Variants in FBXL2 observed in about 807,000 individuals in gnomAD.
FBXL2 encodes the protein F-box and leucine rich repeat protein 2.
Under a neutral mutation model 69.2 loss-of-function variants are expected in FBXL2, and 38 were observed. The ratio of observed to expected loss-of-function variants is 0.55; its 90% CI spans 0.42 to 0.72. FBXL2 has a LOEUF of 0.72. FBXL2 is among the 30% of genes least tolerant of loss of function. FBXL2 has a pLI of 0.00. For missense variants in FBXL2, 354 were observed against 520.3 expected (o/e 0.68, Z 3.11); for synonymous variants, 192 against 201.3 (o/e 0.95, Z 0.39).
intron 5 of FBXL2, among the ~76,000 whole-genome samples, chr3:33,366,949 A>G (rs2041991298): frequency 6.6e-6 from 1 of 152,196 alleles, no homozygotes; most frequent in East Asian, 1.9e-4. Context: ...AAAATAAATA[A>G]ATTAAATAAA....
Position 33,396,170 on chromosome 3 carries a change from G to A in FBXL2, n.1215-7064G>A, listed in dbSNP as rs149785857. On this transcript the variant is annotated intron_variant and non_coding_transcript_variant, in intron 12 of 12. Transcript: ENST00000463736. ...ATGCCCTCAATACCTACCATAGGGT[G>A]CCCCACTGCCATTCTCGCTTGCACT... 19 of 1,578,950 alleles carry A rather than the reference G, an allele frequency of 1.2e-5. No homozygotes were observed. Among genetic ancestry groups the A allele is most frequent in the African/African-American group, 4.0e-5 (3 of 74,434 alleles).
In FBXL2 at chr3:33,277,651, T is replaced by TGGGCA. The variant is rs1263094778; in HGVS notation, c.3+146_3+150dup. On this transcript the variant is annotated intron_variant, in intron 1 of 14. Transcript: ENST00000484457. ...GCCGGGCCGCGGCCTGCGAGGCTGC[T>TGGGCA]GGGCAGGGCAGGGCTGGGCGGGCCC... 10 of 931,632 alleles carry TGGGCA rather than the reference T, an allele frequency of 1.1e-5. No homozygotes were observed. The East Asian group carries it at 2.4e-4, about 23-fold the overall frequency. The allele number at this position is 931,632 out of a possible 1,614,324, so 57.7% of individuals were successfully genotyped here.
the FBXL2 span, chr3:33,409,429 A>C: frequency 6.2e-7 from 1 of 1,613,798 alleles, no homozygotes; most frequent in Non-Finnish European, 8.5e-7. Context: ...ATTACAGAAA[A>C]CCCGGGTTCT....
intron 10 of FBXL2, among the ~76,000 whole-genome samples, chr3:33,375,629 G>A (rs1292020424): frequency 6.6e-6 from 1 of 152,176 alleles, no homozygotes; most frequent in Non-Finnish European, 1.5e-5. Flanking sequence ...TCTACCACCA[G>A]TGAATCCAAA....
At chr3:33,300,856 C>A (rs1423655957) in intron 2 of FBXL2, among the ~76,000 whole-genome samples, 3 of 149,500 alleles carry the variant, frequency 2.0e-5, no homozygotes, top group Non-Finnish European at 4.4e-5. Flanking sequence ...CTACAGGTGC[C>A]CGCCACAACG....
rs780651359 is a variant in FBXL2, at chr3:33,373,301, A to G, written c.401A>G (p.His134Arg). 1.2e-6 allele frequency: 2 copies of G among 1,614,190 alleles called. No individual in the cohort carries two copies. The highest frequency in any genetic ancestry group is 1.7e-5 in the Admixed American group (1 of 60,028). The change falls in exon 7 of 15, where the codon CAT becomes CGT. Residue 134 changes from histidine (H) to arginine (R), a missense_variant. Coordinates refer to ENST00000484457, the MANE Select transcript of FBXL2 (RefSeq NM_012157.5). ...AGCAGATTCTGTTCCAAGCTGAAACATCTGGATCTGACCTCCTGTGTGTCT... is the reference window on the plus strand; with the variant it reads ...AGCAGATTCTGTTCCAAGCTGAAACGTCTGGATCTGACCTCCTGTGTGTCT... ...SLSRFCSKLK[H>R]LDLTSCVSIT...
At chr3:33,356,721 CG>C (rs2041231417) in intron 2 of FBXL2, among the ~76,000 whole-genome samples, 1 of 152,102 alleles carries the variant, frequency 6.6e-6, no homozygotes, top group African/African-American at 2.4e-5. Context: ...GGAACTCTTA[CG>C]GGTTTCCAGA....
rs2044263041 is a variant in FBXL2 at position 33,402,422 on chromosome 3, CCATTTGATATAAG to C, written n.1215-807_1215-795del. On this transcript the variant is annotated intron_variant and non_coding_transcript_variant, in intron 12 of 12. Coordinates refer to the FBXL2 transcript ENST00000463736. ...GAAAAGAAATACTGCAGAAAATAAC[CCATTTGATATAAG>C]CATTACAGACAAGTGAATGAACTTA... Among the ~76,000 whole-genome samples, 4 of 151,974 alleles carry C rather than the reference CCATTTGATATAAG, an allele frequency of 2.6e-5. No individual in the cohort carries two copies. The South Asian group carries it at 8.3e-4, about 32-fold the overall frequency.
chr3:33,349,369 G>A (rs992873098), intron 2 of FBXL2, among the ~76,000 whole-genome samples: 1 of 152,050 alleles, frequency 6.6e-6, no homozygotes, highest in African/African-American at 2.4e-5. Flanking sequence ...ATCATATGGT[G>A]TTTGTCCTTC....
intron 13 of FBXL2, chr3:33,382,563 T>C (rs2043134564): frequency 6.6e-6 from 1 of 152,218 alleles, no homozygotes; most frequent in Non-Finnish European, 1.5e-5. Context: ...CTTTATAGAA[T>C]GGGTACACTG....
intron 1 of FBXL2, 86 bp downstream of exon 1, chr3:33,277,601 C>A (rs922052218): frequency 8.3e-7 from 1 of 1,211,898 alleles, no homozygotes; most frequent in African/African-American, 1.6e-5. Flanking sequence ...TAGGGTCGGG[C>A]AGGCGGCGCA....
At chr3:33,278,640 A>T (rs1287367917) in intron 1 of FBXL2, among the ~76,000 whole-genome samples, 2 of 152,126 alleles carry the variant, frequency 1.3e-5, no homozygotes, top group African/African-American at 2.4e-5. Context: ...GGTGTCTCTC[A>T]TTGACTCTGG....
chr3:33,414,800 G>A, the FBXL2 span, among the ~76,000 whole-genome samples: 3 of 152,096 alleles, frequency 2.0e-5, no homozygotes, highest in Non-Finnish European at 2.9e-5. Context: ...TGAAGCCAAT[G>A]TAAAATGCTT....
At chr3:33,294,153 G>A (rs1340714665) in intron 1 of FBXL2, among the ~76,000 whole-genome samples, 1 of 152,168 alleles carries the variant, frequency 6.6e-6, no homozygotes. Context: ...CTGGAGTGCA[G>A]TAGCGTGGTC....
intron 2 of FBXL2, among the ~76,000 whole-genome samples, chr3:33,336,780 T>C (rs578122485): frequency 1.5e-3 from 221 of 151,876 alleles, no homozygotes; most frequent in Middle Eastern, 3.4e-3. Context: ...TGGCGTGCAC[T>C]TGTAGTCCCA....
chr3:33,288,445 G>A (rs530169004), intron 1 of FBXL2, among the ~76,000 whole-genome samples: 2 of 152,288 alleles, frequency 1.3e-5, no homozygotes, highest in African/African-American at 4.8e-5. Flanking sequence ...GAAAAATAAA[G>A]CTGGGTAGGA....
intron 5 of FBXL2, among the ~76,000 whole-genome samples, chr3:33,370,113 T>TA (rs889714012): frequency 2.0e-5 from 3 of 151,698 alleles, no homozygotes; most frequent in Admixed American, 6.6e-5. Flanking sequence ...TTCCTCCACT[T>TA]AAAAAAAATA....
chr3:33,399,803 C>A (rs956268746), intron 12 of FBXL2, among the ~76,000 whole-genome samples: 2 of 152,076 alleles, frequency 1.3e-5, no homozygotes, highest in Non-Finnish European at 2.9e-5. Context: ...TGCTATTGTA[C>A]TATAATTATG....
At chr3:33,350,601 T>C (rs2040762855) in intron 2 of FBXL2, among the ~76,000 whole-genome samples, 1 of 151,894 alleles carries the variant, frequency 6.6e-6, no homozygotes, top group African/African-American at 2.4e-5. Context: ...CCTGCCTAAT[T>C]TTTTTGTATT....
Sources: gnomAD v4.1 joint callset for allele counts (sites outside exome capture counted in the v4.1 genomes callset) on GRCh38, gnomAD v4.1.1 for gene constraint, MANE v1.5 for transcripts, NCBI Gene and HGNC (gene_info 2026-07-23, HGNC 2026-07-21) for gene names.